LRFN5: variants seen among roughly 807,000 people sequenced by gnomAD.
LRFN5 encodes leucine-rich repeat and fibronectin type-III domain-containing protein 5.
In LRFN5, 24 loss-of-function variants were observed where a neutral mutation model predicts 45.6. The ratio of observed to expected loss-of-function variants is 0.53; its 90% CI spans 0.38 to 0.74. The LOEUF (loss-of-function observed/expected upper bound fraction) is 0.74. Among genes scored for constraint, LRFN5 ranks in the 30% least tolerant of loss-of-function variants. The probability of loss-of-function intolerance (pLI) is 0.00; values close to 1 mark genes in which losing one functional copy is unlikely to be tolerated. For synonymous variants in LRFN5, 340 were observed against 313.8 expected, an observed-to-expected ratio of 1.08 and a Z score of -0.88; for missense variants, 776 against 861.5, an observed-to-expected ratio of 0.90 and a Z score of 1.24.
At chr14:41,712,460 G>T (rs1162399633) in intron 1 of LRFN5, among the ~76,000 whole-genome samples, 1 of 152,084 alleles carries the variant, frequency 6.6e-6, no homozygotes, top group Non-Finnish European at 1.5e-5. Context: ...CGTTAGTTTT[G>T]TATCTAGATA....
intron 1 of LRFN5, among the ~76,000 whole-genome samples, chr14:41,755,904 C>T (rs1021864998): frequency 1.3e-5 from 2 of 152,116 alleles, no homozygotes; most frequent in African/African-American, 2.4e-5. Context: ...TGGCTGGTAC[C>T]GGATGTTCCT....
chr14:41,640,663 T>C (rs997205410), intron 1 of LRFN5, among the ~76,000 whole-genome samples: 5 of 152,164 alleles, frequency 3.3e-5, no homozygotes, highest in Non-Finnish European at 5.9e-5. Flanking sequence ...AGTCACTGAT[T>C]AACTTGTATC....
intron 2 of LRFN5, among the ~76,000 whole-genome samples, chr14:41,808,802 A>T (rs1887640639): frequency 6.6e-6 from 1 of 152,068 alleles, no homozygotes; most frequent in South Asian, 2.1e-4. Flanking sequence ...AGGTAAGATA[A>T]CTTTCAGGCT....
At chr14:41,834,951 C>A (rs1025935195) in intron 2 of LRFN5, among the ~76,000 whole-genome samples, 1 of 151,602 alleles carries the variant, frequency 6.6e-6, no homozygotes, top group Non-Finnish European at 1.5e-5. Flanking sequence ...TCATGAGCCA[C>A]CACACCCAGC....
intron 4 of LRFN5, among the ~76,000 whole-genome samples, chr14:41,897,254 T>A (rs986091819): frequency 2.0e-5 from 3 of 151,844 alleles, no homozygotes; most frequent in Non-Finnish European, 4.4e-5. Flanking sequence ...AAGTAGTAAA[T>A]TACCTCACTA....
At chr14:41,859,582 C>T (rs1889590699) in intron 2 of LRFN5, among the ~76,000 whole-genome samples, 1 of 152,148 alleles carries the variant, frequency 6.6e-6, no homozygotes, top group Admixed American at 6.5e-5. Flanking sequence ...GTCACTGTGC[C>T]TACTTATAGC....
intron 2 of LRFN5, among the ~76,000 whole-genome samples, chr14:41,774,843 A>T (rs1886219207): frequency 6.6e-6 from 1 of 152,172 alleles, no homozygotes; most frequent in South Asian, 2.1e-4. Flanking sequence ...GGCGATATAT[A>T]GGTTAGTTGC....
At chr14:41,882,308 T>C (rs1229644499) in intron 2 of LRFN5, among the ~76,000 whole-genome samples, 2 of 152,048 alleles carry the variant, frequency 1.3e-5, no homozygotes, top group Non-Finnish European at 2.9e-5. Flanking sequence ...CTAGGAAGGA[T>C]TTTTCAGCTG....
At chr14:41,759,448 T>TACACACACAC (rs569216156) in intron 1 of LRFN5, among the ~76,000 whole-genome samples, 1 of 109,644 alleles carries the variant, frequency 9.1e-6, no homozygotes, top group African/African-American at 3.5e-5. Context: ...TCTCTCTCTC[T>TACACACACAC]ACACACACAC....
At chr14:41,715,011 G>A (rs1009646138) in intron 1 of LRFN5, among the ~76,000 whole-genome samples, 1 of 152,108 alleles carries the variant, frequency 6.6e-6, no homozygotes, top group Admixed American at 6.6e-5. Flanking sequence ...GAATGTTAAA[G>A]GGTTTTATAA....
At chr14:41,861,986 A>G (rs965184474) in intron 2 of LRFN5, among the ~76,000 whole-genome samples, 12 of 152,154 alleles carry the variant, frequency 7.9e-5, no homozygotes, top group African/African-American at 2.4e-4. Context: ...GGTTTGTTCC[A>G]TGCTGTTTTC....
chr14:41,649,167 G>A (rs529100277), intron 1 of LRFN5, among the ~76,000 whole-genome samples: 6 of 152,080 alleles, frequency 3.9e-5, no homozygotes, highest in East Asian at 3.9e-4. Context: ...CCCGGGAGGC[G>A]GAGGTTGCAG....
At chr14:41,838,673 C>G (rs1438122384) in intron 2 of LRFN5, among the ~76,000 whole-genome samples, 1 of 151,984 alleles carries the variant, frequency 6.6e-6, no homozygotes, top group Non-Finnish European at 1.5e-5. Context: ...CAATTATTTC[C>G]AGAAATACTA....
At chr14:41,783,964 T>G (rs1886627621) in intron 2 of LRFN5, among the ~76,000 whole-genome samples, 1 of 152,162 alleles carries the variant, frequency 6.6e-6, no homozygotes, top group African/African-American at 2.4e-5. Context: ...ATGAATATAC[T>G]CTTAATGCTG....
chr14:41,690,584 T>G (rs1034968638), intron 1 of LRFN5, among the ~76,000 whole-genome samples: 2 of 152,106 alleles, frequency 1.3e-5, no homozygotes, highest in African/African-American at 4.8e-5. Context: ...TAGCATAAAT[T>G]TAATGTCCTT....
intron 2 of LRFN5, among the ~76,000 whole-genome samples, chr14:41,822,070 G>A (rs1028147328): frequency 6.6e-6 from 1 of 151,812 alleles, no homozygotes. Context: ...GGTTAATCTA[G>A]CAAGCATCCT....
chr14:41,611,889 C>T (rs776999781), intron 1 of LRFN5, among the ~76,000 whole-genome samples: 1 of 152,082 alleles, frequency 6.6e-6, no homozygotes, highest in African/African-American at 2.4e-5. Flanking sequence ...GGGAGAATAC[C>T]CCCACCCTAT....
intron 2 of LRFN5, among the ~76,000 whole-genome samples, chr14:41,787,223 G>T (rs1458105829): frequency 1.3e-5 from 2 of 151,968 alleles, no homozygotes; most frequent in African/African-American, 4.8e-5. Flanking sequence ...ATTATTGGTT[G>T]TTGGATTCAG....
chr14:41,639,949 A>ATTTTTTTTTTTTTTTTTTTTTTTTTT (rs34020254), intron 1 of LRFN5, among the ~76,000 whole-genome samples: 7 of 68,036 alleles, frequency 1.0e-4, no homozygotes, highest in Non-Finnish European at 1.3e-4. Context: ...TGACTGGCTA[A>ATTTTTTTTTTTTTTTTTTTTTTTTTT]TTTTTTTTTT....
Sources: gnomAD v4.1 joint callset for allele counts (sites outside exome capture counted in the v4.1 genomes callset) on GRCh38, gnomAD v4.1.1 for gene constraint, MANE v1.5 for transcripts, NCBI Gene and HGNC (gene_info 2026-07-23, HGNC 2026-07-21) for gene names.